TAP2: variants seen among roughly 807,000 people sequenced by gnomAD.
The protein encoded by TAP2 is transporter 2, ATP binding cassette subfamily B member.
In TAP2, 49 loss-of-function variants were observed where a neutral mutation model predicts 74.7. That is an observed-to-expected ratio of 0.66 (90% confidence interval 0.52 to 0.83). The LOEUF is 0.83. Ranked by LOEUF, TAP2 falls within the 40% of genes least tolerant of loss-of-function variation. The probability of loss-of-function intolerance (pLI) is 0.00; values close to 1 mark genes in which losing one functional copy is unlikely to be tolerated. For synonymous variants in TAP2, 306 were observed against 368.4 expected (o/e 0.83, Z 1.94); for missense variants, 739 against 859.0 (o/e 0.86, Z 1.75).
chr6:32,832,618 G>C lies in TAP2; in HGVS notation c.1143+9C>G. 1 of 1,612,964 alleles carries C rather than the reference G, an allele frequency of 6.2e-7. No individual in the cohort carries two copies. Among genetic ancestry groups the C allele is most frequent in the Non-Finnish European group, 8.5e-7 (1 of 1,180,014 alleles). On this transcript the variant is annotated intron_variant, in intron 6 of 11. Transcript: ENST00000374897. The surrounding 1 kb of genome is among the most constrained non-coding windows in gnomAD (Gnocchi z 5.9). ...CTGGGCTCCTTTCACAACCACTCTG[G>C]TATCTTACCCTCCTTACGAGCAGGT...
chr6:32,828,027 T>C lies in TAP2; in HGVS notation c.*879A>G, dbSNP rs1768768507. 1.0e-6 allele frequency: 1 copy of C among 982,702 alleles called. No homozygotes were observed. The highest frequency in any genetic ancestry group is 1.2e-6 in the Non-Finnish European group (1 of 827,488). 60.9% of individuals were successfully genotyped at this position (982,702 alleles called of 1,614,324 possible). A position where few individuals can be genotyped will look rare whatever the true frequency, so the allele number is the denominator to read the frequency against. ...TGGATTAGGGTTTATGGACCCAAGA[T>C]GCAATATAATTGATTGGGTCAGGGT... On this transcript the variant is annotated 3_prime_UTR_variant, in exon 12 of 12. Transcript: ENST00000374897.
At position 32,829,973 on chromosome 6, in the gene TAP2, G is replaced by GTGGGCAGCC; in HGVS notation, c.1743_1751dup (p.Gln581_Ala583dup). ...CCATTTCCTGGATGAAGTCATCTGC[G>GTGGGCAGCC]TGGGCAGCCTGGGCAGCCGCCATCA... On this transcript the variant is annotated inframe_insertion, in exon 10 of 12. Coordinates refer to ENST00000374897, the MANE Select transcript of TAP2 (RefSeq NM_001290043.2). 1 of 1,613,058 alleles carries GTGGGCAGCC rather than the reference G, an allele frequency of 6.2e-7. No homozygotes were observed. The highest frequency in any genetic ancestry group is 1.1e-5 in the South Asian group (1 of 91,088).
At chr6:32,838,296 C>T (rs1769577711) in intron 1 of TAP2, 59 bp from the exon 2 acceptor site, 41 of 1,496,968 alleles carry the variant, frequency 2.7e-5, no homozygotes, top group Non-Finnish European at 3.6e-5. Flanking sequence ...TTGTCCCTGC[C>T]CTCCTACCCG....
At position 32,826,481 on chromosome 6, in the gene TAP2, G is replaced by A. The variant is rs1768657582; in HGVS notation, c.*2425C>T. 1 of 985,394 alleles carries A rather than the reference G, an allele frequency of 1.0e-6. No homozygotes were observed. The highest frequency in any genetic ancestry group is 1.2e-6 in the Non-Finnish European group (1 of 829,942). 61.0% of individuals were successfully genotyped at this position (985,394 alleles called of 1,614,324 possible). A position where few individuals can be genotyped will look rare whatever the true frequency, so the allele number is the denominator to read the frequency against. ...AGGAGTGAACAAAAAGAACTCTGGAGCAAACCAGGATTAGTGACATCTGTG... is the reference window on the plus strand; with the variant it reads ...AGGAGTGAACAAAAAGAACTCTGGAACAAACCAGGATTAGTGACATCTGTG... On this transcript the variant is annotated 3_prime_UTR_variant, in exon 12 of 12. Coordinates refer to ENST00000374897, the MANE Select transcript of TAP2 (RefSeq NM_001290043.2).
At position 32,830,460 on chromosome 6, in the gene TAP2, G is replaced by C; in HGVS notation, c.1462-20C>G. 6.2e-7 allele frequency: 1 copy of C among 1,606,932 alleles called. No individual in the cohort carries two copies. Among genetic ancestry groups the C allele is most frequent in the Non-Finnish European group, 8.5e-7 (1 of 1,177,058 alleles). On this transcript the variant is annotated intron_variant, in intron 8 of 11. Transcript: ENST00000374897. ...CAGCCCCTAGAAAACCAGAAAAAGAGTTAAGGGCCTGCCCCTTCTCCCTCA... is the reference window on the plus strand; with the variant it reads ...CAGCCCCTAGAAAACCAGAAAAAGACTTAAGGGCCTGCCCCTTCTCCCTCA...
At position 32,835,026 on chromosome 6, in the gene TAP2, T is replaced by C. The variant is rs1287946749; in HGVS notation, c.945+128A>G. On this transcript the variant is annotated intron_variant, in intron 5 of 11. Transcript: ENST00000374897. This position sits in a 1 kb window ranked among gnomAD's most constrained non-coding sequence, Gnocchi z 4.0. ...AAACAAAATGTAGTATATACTACAA[T>C]ATACCTTCTCCCCTAATGGCTGAGA... 23 of 961,066 alleles carry C rather than the reference T, an allele frequency of 2.4e-5. No homozygotes were observed. The highest frequency in any genetic ancestry group is 3.4e-5 in the Non-Finnish European group (21 of 612,686). The allele number at this position is 961,066 out of a possible 1,614,324, so 59.5% of individuals were successfully genotyped here. A position where few individuals can be genotyped will look rare whatever the true frequency, so the allele number is the denominator to read the frequency against.
chr6:32,829,092 C>T, intron 11 of TAP2, 58 bp from the exon 12 acceptor site: 1 of 1,520,478 alleles, frequency 6.6e-7, no homozygotes, highest in Non-Finnish European at 8.8e-7. Flanking sequence ...ACCACATCCA[C>T]CTGGGCACCA....
chr6:32,822,230 C>G, downstream of TAP2: 1 of 1,346,794 alleles, frequency 7.4e-7, no homozygotes, highest in Non-Finnish European at 1.0e-6. Context: ...GTTGGTGATG[C>G]TTTGTTCCAC....
chr6:32,829,397 C>T lies in TAP2; in HGVS notation c.1932+3G>A. 3 of 1,592,618 alleles carry T rather than the reference C, an allele frequency of 1.9e-6. No individual in the cohort carries two copies. Among genetic ancestry groups the T allele is most frequent in the Admixed American group, 1.8e-5 (1 of 56,386 alleles). ...CTGTCCCCTGCCCTCTCACGGTACT[C>T]ACGGCCTGCTCGCACTGCACATCTA... On this transcript the variant is annotated splice_donor_region_variant and intron_variant, in intron 11 of 11. Transcript: ENST00000374897.
At position 32,827,162 on chromosome 6, in the gene TAP2, A is replaced by C. The variant is rs1351873445; in HGVS notation, c.*1744T>G. ...CAGTTCTGGGGAATTCATTGCCAGCACTGGAAACTACCTGCTGTTTCCAGG... is the reference window on the plus strand; with the variant it reads ...CAGTTCTGGGGAATTCATTGCCAGCCCTGGAAACTACCTGCTGTTTCCAGG... On this transcript the variant is annotated 3_prime_UTR_variant, in exon 12 of 12. Coordinates refer to ENST00000374897, the MANE Select transcript of TAP2 (RefSeq NM_001290043.2). The C allele has an allele frequency of 1.0e-6, 1 of 985,478 alleles. No individual in the cohort carries two copies. Among genetic ancestry groups the C allele is most frequent in the African/African-American group, 1.7e-5 (1 of 57,222 alleles). 61.0% of individuals were successfully genotyped at this position (985,478 alleles called of 1,614,324 possible).
rs1225014775 is a variant in TAP2 at position 32,835,433 on chromosome 6, C to T, written c.740-74G>A. The T allele has an allele frequency of 9.1e-6, 14 of 1,540,506 alleles. No individual in the cohort carries two copies. Among genetic ancestry groups the T allele is most frequent in the Admixed American group, 3.5e-5 (2 of 57,430 alleles). Reference sequence around the variant, plus strand: ...GGGCCCCCAGAAACTCCCTCCTGACCGTTCCCTCTGACACAGCCCCCTCCT... The same window carrying T: ...GGGCCCCCAGAAACTCCCTCCTGACTGTTCCCTCTGACACAGCCCCCTCCT... On this transcript the variant is annotated intron_variant, in intron 4 of 11. Coordinates refer to ENST00000374897, the MANE Select transcript of TAP2 (RefSeq NM_001290043.2). The surrounding 1 kb of genome is among the most constrained non-coding windows in gnomAD (Gnocchi z 4.0).
chr6:32,825,769 T>C lies in TAP2; in HGVS notation c.*3137A>G, dbSNP rs73738919. 10,245 of 155,876 alleles carry C rather than the reference T, an allele frequency of 0.066. 676 individuals carry two copies. The highest frequency in any genetic ancestry group is 0.18 in the African/African-American group (7,290 of 41,550). The allele number at this position is 155,876 out of a possible 1,614,324, so 9.7% of individuals were successfully genotyped here. On this transcript the variant is annotated 3_prime_UTR_variant, in exon 12 of 12. Transcript: ENST00000374897. ...GAGTCAGGGAGTATAGGCAACTCTT[T>C]TGAGGAGTTTTATGCAAAGCTGGGC...
At chr6:32,825,125 GT>G (rs1562317138), downstream of TAP2, among the ~76,000 whole-genome samples, 12 of 102,880 alleles carry the variant, frequency 1.2e-4, no homozygotes, top group East Asian at 4.3e-3. Flanking sequence ...CTGTCTGTTG[GT>G]TATATACATA....
rs749116339 is a variant in TAP2 at position 32,832,321 on chromosome 6, C to T, written c.1272+12G>A. On this transcript the variant is annotated intron_variant, in intron 7 of 11. Coordinates refer to ENST00000374897, the MANE Select transcript of TAP2 (RefSeq NM_001290043.2). This position sits in a 1 kb window ranked among gnomAD's most constrained non-coding sequence, Gnocchi z 5.9. ...AGGGAAAAAAGGAGAGCAGGCTTGGCTTCTCGCTCACCTGCACATAGCTCC... is the reference window on the plus strand; with the variant it reads ...AGGGAAAAAAGGAGAGCAGGCTTGGTTTCTCGCTCACCTGCACATAGCTCC... 1 of 1,612,988 alleles carries T rather than the reference C, an allele frequency of 6.2e-7. No homozygotes were observed.
chr6:32,838,207 C>T lies in TAP2; in HGVS notation c.27G>A (p.Trp9Ter). 6.3e-7 allele frequency: 1 copy of T among 1,586,384 alleles called. No individual in the cohort carries two copies. Among genetic ancestry groups the T allele is most frequent in the Non-Finnish European group, 8.6e-7 (1 of 1,167,458 alleles). ...CCGCGTCCACCAGCAGCAGGGAGGT[C>T]CAGGGTCTCAGGTCAGGGAGCCGCA... MRLPDLRP[W>*]TSLLLVDAAL... The change falls in exon 2 of 12, where the codon TGG becomes TGA. Residue 9 changes from tryptophan to a stop codon, truncating the protein, a stop_gained. Transcript: ENST00000374897. LOFTEE classifies it high-confidence loss of function.
chr6:32,832,720 A>G lies in TAP2; in HGVS notation c.1050T>C (p.His350=). Residue 350 remains histidine (H), a synonymous_variant, in exon 6 of 12, where the codon CAT becomes CAC. Transcript: ENST00000374897. The surrounding 1 kb of genome is among the most constrained non-coding windows in gnomAD (Gnocchi z 5.9). ...QTVRSFGAEE[H]EVCRYKEALE... ...GGGCCTCTTTATAGCGACAGACTTC[A>G]TGCTCCTCGGCCCCAAAACTGCGAA... 2 of 1,613,040 alleles carry G rather than the reference A, an allele frequency of 1.2e-6. No homozygotes were observed. Among genetic ancestry groups the G allele is most frequent in the Non-Finnish European group, 1.7e-6 (2 of 1,180,036 alleles).
downstream of TAP2, among the ~76,000 whole-genome samples, chr6:32,823,738 A>G (rs1333303873): frequency 1.3e-5 from 2 of 152,030 alleles, no homozygotes; most frequent in Non-Finnish European, 2.9e-5. Context: ...AGAGATATTA[A>G]CTTCTGTTAA....
Position 32,827,103 on chromosome 6 carries a change from C to A in TAP2, c.*1803G>T. Reference sequence around the variant, plus strand: ...CCCCATCCTCACTGCACCCTGCTCCCAACAGCTGCCAGGCAAGAAAAAATC... The same window carrying A: ...CCCCATCCTCACTGCACCCTGCTCCAAACAGCTGCCAGGCAAGAAAAAATC... On this transcript the variant is annotated 3_prime_UTR_variant, in exon 12 of 12. Coordinates refer to ENST00000374897, the MANE Select transcript of TAP2 (RefSeq NM_001290043.2). 1 of 985,770 alleles carries A rather than the reference C, an allele frequency of 1.0e-6. No homozygotes were observed. Among genetic ancestry groups the A allele is most frequent in the African/African-American group, 1.7e-5 (1 of 57,338 alleles). 61.1% of individuals were successfully genotyped at this position (985,770 alleles called of 1,614,324 possible). A position where few individuals can be genotyped will look rare whatever the true frequency, so the allele number is the denominator to read the frequency against.
At chr6:32,829,320 C>T in intron 11 of TAP2, 80 bp downstream of exon 11, 1 of 1,545,962 alleles carries the variant, frequency 6.5e-7, no homozygotes, top group Non-Finnish European at 8.7e-7. Context: ...CGTCCTCCCT[C>T]TGCCCAATTC....
Sources: gnomAD v4.1 joint callset for allele counts (sites outside exome capture counted in the v4.1 genomes callset) on GRCh38, gnomAD v4.1.1 for gene constraint, Gnocchi (gnomAD v3.1) non-coding constraint, MANE v1.5 for transcripts, NCBI Gene and HGNC (gene_info 2026-07-23, HGNC 2026-07-21) for gene names.